The following TRIM72 variants were observed in gnomAD, a reference collection of about 807,000 sequenced individuals.
TRIM72 encodes the protein tripartite motif containing 72, also known as tripartite motif-containing protein 72.
Under a neutral mutation model 31.6 loss-of-function variants are expected in TRIM72, and 33 were observed. The observed-to-expected ratio is 1.04, with a 90% CI of 0.79 to 1.40. TRIM72 has a LOEUF of 1.40. Among genes scored for constraint, TRIM72 ranks in the 40% most tolerant of loss-of-function variants. TRIM72 has a pLI of 0.00. For synonymous variants in TRIM72, 301 were observed against 314.4 expected (o/e 0.96, Z 0.45); for missense variants, 666 against 682.7 (o/e 0.98, Z 0.27).
At position 31,219,234 on chromosome 16, in the gene TRIM72, T is replaced by A; in HGVS notation, c.486+44T>A. The A allele has an allele frequency of 6.2e-7, 1 of 1,613,858 alleles. No homozygotes were observed. The highest frequency in any genetic ancestry group is 1.3e-5 in the African/African-American group (1 of 75,036). ...CATGTCTGAGGGCTGGGGGCCAGGCTAGGGGTCTCCAGCCAAGAGTCTTTA... is the reference window on the plus strand; with the variant it reads ...CATGTCTGAGGGCTGGGGGCCAGGCAAGGGGTCTCCAGCCAAGAGTCTTTA... On this transcript the variant is annotated intron_variant, in intron 3 of 6. Coordinates refer to ENST00000322122, the MANE Select transcript of TRIM72 (RefSeq NM_001008274.4). The surrounding 1 kb of genome is among the most constrained non-coding windows in gnomAD (Gnocchi z 4.2).
Position 31,215,405 on chromosome 16 carries a change from G to A in TRIM72, c.390+277G>A, listed in dbSNP as rs1358460724. Reference sequence around the variant, plus strand: ...TTAGTCCCTAGAGGAAACTGGAGATGGGCGGGCGGAGCCCCAGGGCGGGTC... The same window carrying A: ...TTAGTCCCTAGAGGAAACTGGAGATAGGCGGGCGGAGCCCCAGGGCGGGTC... On this transcript the variant is annotated intron_variant, in intron 2 of 6. Transcript: ENST00000322122. The surrounding 1 kb of genome is among the most constrained non-coding windows in gnomAD (Gnocchi z 6.3). Among the ~76,000 whole-genome samples, 1 of 152,336 alleles carries A rather than the reference G, an allele frequency of 6.6e-6. No homozygotes were observed. The highest frequency in any genetic ancestry group is 1.9e-4 in the East Asian group (1 of 5,174).
At chr16:31,214,623 G>C in intron 1 of TRIM72, 109 bp from the exon 2 acceptor site, 4 of 1,227,554 alleles carry the variant, frequency 3.3e-6, no homozygotes, top group Non-Finnish European at 4.2e-6. Context: ...TTACAGGCTG[G>C]GGCTTCTCCC....
rs969622624 is a variant in TRIM72, at chr16:31,231,391, G to C, written c.*6636G>C. 1 of 152,030 alleles carries C rather than the reference G, an allele frequency of 6.6e-6. No homozygotes were observed. 9.4% of individuals were successfully genotyped at this position (152,030 alleles called of 1,614,324 possible). A position where few individuals can be genotyped will look rare whatever the true frequency, so the allele number is the denominator to read the frequency against. ...TGACAGTCTGACCACAAAGGACCCC[G>C]GTCCACAGAAGCATGATGCATCTTG... On this transcript the variant is annotated 3_prime_UTR_variant, in exon 7 of 7. Coordinates refer to ENST00000322122, the MANE Select transcript of TRIM72 (RefSeq NM_001008274.4).
At chr16:31,217,345 A>C in intron 2 of TRIM72, 2 of 326,668 alleles carry the variant, frequency 6.1e-6, no homozygotes, top group Non-Finnish European at 1.1e-5. Context: ...CCTCCCAGCA[A>C]AGAAGTGGCT....
rs1170423422 is a variant in TRIM72 at position 31,216,586 on chromosome 16, G to A, written c.390+1458G>A. On this transcript the variant is annotated intron_variant, in intron 2 of 6. Transcript: ENST00000322122. The surrounding 1 kb of genome is among the most constrained non-coding windows in gnomAD (Gnocchi z 6.7). ...GGCGAGATGCAGCCCACCAGGGTTC[G>A]CGGCAGCCCAGCCCTTCGCCCCCGG... Among the ~76,000 whole-genome samples the A allele has an allele frequency of 6.6e-6, 1 of 152,160 alleles. No individual in the cohort carries two copies.
chr16:31,222,822 C>A lies in TRIM72; in HGVS notation c.741-5C>A. On this transcript the variant is annotated splice_region_variant and splice_polypyrimidine_tract_variant and intron_variant, in intron 5 of 6. Transcript: ENST00000322122. Reference sequence around the variant, plus strand: ...CATGCCTCCCCTTCCCCTCCCCACCCCCAGGCTGCAGAAGATCCTGGCAGA... The same window carrying A: ...CATGCCTCCCCTTCCCCTCCCCACCACCAGGCTGCAGAAGATCCTGGCAGA... 1 of 1,355,686 alleles carries A rather than the reference C, an allele frequency of 7.4e-7. No individual in the cohort carries two copies. The allele number at this position is 1,355,686 out of a possible 1,614,324, so 84.0% of individuals were successfully genotyped here. A position where few individuals can be genotyped will look rare whatever the true frequency, so the allele number is the denominator to read the frequency against.
rs1330679793 is a variant in TRIM72 at position 31,224,414 on chromosome 16, G to A, written c.1093G>A (p.Glu365Lys). The A allele has an allele frequency of 1.3e-5, 19 of 1,422,354 alleles. No homozygotes were observed. Among genetic ancestry groups the A allele is most frequent in the Non-Finnish European group, 1.4e-5 (15 of 1,099,022 alleles). 88.1% of individuals were successfully genotyped at this position (1,422,354 alleles called of 1,614,324 possible). Residue 365 changes from glutamate (E) to lysine (K), a missense_variant, in exon 7 of 7, where the codon GAG (glutamate) becomes AAG (lysine). Transcript: ENST00000322122. ...PRWALGVIAA[E>K]APRRGRLHAV... ...CTGGGCGCTGGGCGTGATCGCGGCC[G>A]AGGCCCCCCGCCGCGGGCGCCTGCA...
Position 31,214,924 on chromosome 16 carries a change from G to A in TRIM72, c.186G>A (p.Pro62=), listed in dbSNP as rs1396881044. Reference sequence around the variant, plus strand: ...CCTGCTGCCAGGCCCCCACGCGGCCGCAGGCACTCAGCACCAACCTGCAGC... The same window carrying A: ...CCTGCTGCCAGGCCCCCACGCGGCCACAGGCACTCAGCACCAACCTGCAGC... ...LCPCCQAPTR[P]QALSTNLQLA... Residue 62 remains proline (P), a synonymous_variant, in exon 2 of 7, where the codon CCG becomes CCA. Transcript: ENST00000322122. 6 of 1,508,474 alleles carry A rather than the reference G, an allele frequency of 4.0e-6. No homozygotes were observed. Among genetic ancestry groups the A allele is most frequent in the East Asian group, 5.2e-5 (2 of 38,386 alleles). 93.4% of individuals were successfully genotyped at this position (1,508,474 alleles called of 1,614,324 possible).
chr16:31,217,546 A>G (rs948000418), intron 2 of TRIM72, among the ~76,000 whole-genome samples: 1 of 147,454 alleles, frequency 6.8e-6, no homozygotes, highest in Non-Finnish European at 1.5e-5. Flanking sequence ...GCTCTCCTAT[A>G]TTTGCATATT....
chr16:31,224,453 C>T lies in TRIM72; in HGVS notation c.1132C>T (p.Gln378Ter). Reference protein sequence around the residue: ...RRGRLHAVPSQGLWLLGLREG... With the variant: ...RRGRLHAVPS ...CGGGCGCCTGCACGCGGTGCCCTCG[C>T]AGGGCCTGTGGCTGCTGGGGCTGCG... is the stretch of plus-strand genomic sequence containing the variant. The change falls in exon 7 of 7, where the codon CAG becomes TAG. Residue 378 changes from glutamine to a stop codon, truncating the protein, a stop_gained. Transcript: ENST00000322122. LOFTEE classifies it low-confidence loss of function (END_TRUNC). 1.4e-6 allele frequency: 2 copies of T among 1,451,782 alleles called. No individual in the cohort carries two copies. Among genetic ancestry groups the T allele is most frequent in the South Asian group, 2.8e-5 (2 of 70,968 alleles). 89.9% of individuals were successfully genotyped at this position (1,451,782 alleles called of 1,614,324 possible).
At position 31,224,738 on chromosome 16, in the gene TRIM72, G is replaced by C; in HGVS notation, c.1417G>C (p.Glu473Gln). ...NAQPLLLVGP[E>Q]GAEA ...CCAGCCGCTGCTGCTCGTGGGTCCC[G>C]AAGGCGCCGAGGCCTGAGCCGCCGG... is the stretch of plus-strand genomic sequence containing the variant. The change falls in exon 7 of 7, where the codon GAA (glutamate) becomes CAA (glutamine). Residue 473 changes from glutamate (E) to glutamine (Q), a missense_variant. Glu to Gln is a conservative substitution (Grantham distance 29). Coordinates refer to ENST00000322122, the MANE Select transcript of TRIM72 (RefSeq NM_001008274.4). 1 of 1,505,010 alleles carries C rather than the reference G, an allele frequency of 6.6e-7. No individual in the cohort carries two copies. The highest frequency in any genetic ancestry group is 8.8e-7 in the Non-Finnish European group (1 of 1,131,204). The allele number at this position is 1,505,010 out of a possible 1,614,324, so 93.2% of individuals were successfully genotyped here.
intron 2 of TRIM72, among the ~76,000 whole-genome samples, chr16:31,218,175 G>A (rs1035055987): frequency 7.2e-5 from 11 of 152,084 alleles, no homozygotes; most frequent in Non-Finnish European, 1.5e-4. Flanking sequence ...TGTCATCCTC[G>A]CAAAGACCTG....
At chr16:31,217,184 C>T (rs746432353) in intron 2 of TRIM72, 400 of 770,934 alleles carry the variant, frequency 5.2e-4, no homozygotes, top group Non-Finnish European at 7.7e-4. Context: ...GGAGGGGACT[C>T]TGCAAACACC....
Position 31,226,721 on chromosome 16 carries a change from C to G in TRIM72, c.*1966C>G, listed in dbSNP as rs2079556194. The G allele has an allele frequency of 6.6e-6, 1 of 152,262 alleles. No individual in the cohort carries two copies. Among genetic ancestry groups the G allele is most frequent in the African/African-American group, 2.4e-5 (1 of 41,460 alleles). The allele number at this position is 152,262 out of a possible 1,614,324, so 9.4% of individuals were successfully genotyped here. A position where few individuals can be genotyped will look rare whatever the true frequency, so the allele number is the denominator to read the frequency against. On this transcript the variant is annotated 3_prime_UTR_variant, in exon 7 of 7. Coordinates refer to ENST00000322122, the MANE Select transcript of TRIM72 (RefSeq NM_001008274.4). Reference sequence around the variant, plus strand: ...TAGCGCACAGGGCATTTCTTGGGCTCTGGAGTAACCACTGAGGCCAGAGTG... The same window carrying G: ...TAGCGCACAGGGCATTTCTTGGGCTGTGGAGTAACCACTGAGGCCAGAGTG...
In TRIM72 at chr16:31,224,424, G is replaced by T; in HGVS notation, c.1103G>T (p.Arg368Leu). ...ALGVIAAEAP[R>L]RGRLHAVPSQ... ...GGCGTGATCGCGGCCGAGGCCCCCC[G>T]CCGCGGGCGCCTGCACGCGGTGCCC... Residue 368 changes from arginine to leucine, a missense_variant, in exon 7 of 7, where the codon CGC (arginine) becomes CTC (leucine). Transcript: ENST00000322122. 1 of 1,420,304 alleles carries T rather than the reference G, an allele frequency of 7.0e-7. No homozygotes were observed. The allele number at this position is 1,420,304 out of a possible 1,614,324, so 88.0% of individuals were successfully genotyped here.
intron 2 of TRIM72, among the ~76,000 whole-genome samples, chr16:31,217,945 C>T (rs2079517814): frequency 6.6e-6 from 1 of 152,172 alleles, no homozygotes; most frequent in Non-Finnish European, 1.5e-5. Context: ...TTTCCTGCCC[C>T]CTACTCCAAG....
At chr16:31,220,456 GTTTTTTTTTTTTTT>G (rs71151452) in intron 4 of TRIM72, among the ~76,000 whole-genome samples, 6 of 29,582 alleles carry the variant, frequency 2.0e-4, no homozygotes, top group African/African-American at 5.8e-4. Flanking sequence ...TCTCTTTTGC[GTTTTTTTTTTTTTT>G]TTTTTTTTTT....
intron 6 of TRIM72, 130 bp downstream of exon 6, chr16:31,223,075 C>T: frequency 1.4e-6 from 1 of 717,814 alleles, no homozygotes; most frequent in Non-Finnish European, 2.4e-6. Context: ...CCCTTTGCCT[C>T]TGGACTGCCG....
rs760824741 is a variant in TRIM72 at position 31,222,807 on chromosome 16, C to A, written c.741-20C>A. On this transcript the variant is annotated intron_variant, in intron 5 of 6. Transcript: ENST00000322122. The stretch of plus-strand genomic sequence containing the variant: ...TCCTCCCCCCTCACACATGCCTCCC[C>A]TTCCCCTCCCCACCCCCAGGCTGCA... 2 of 819,508 alleles carry A rather than the reference C, an allele frequency of 2.4e-6. No individual in the cohort carries two copies. The highest frequency in any genetic ancestry group is 1.9e-6 in the Non-Finnish European group (1 of 526,470). The allele number at this position is 819,508 out of a possible 1,614,324, so 50.8% of individuals were successfully genotyped here.
Sources: gnomAD v4.1 joint callset for allele counts (sites outside exome capture counted in the v4.1 genomes callset) on GRCh38, gnomAD v4.1.1 for gene constraint, Gnocchi (gnomAD v3.1) non-coding constraint, MANE v1.5 for transcripts, NCBI Gene and HGNC (gene_info 2026-07-23, HGNC 2026-07-21) for gene names.